SDCCAG8: variants seen among roughly 807,000 people sequenced by gnomAD.
SDCCAG8 encodes the protein SHH signaling and ciliogenesis regulator SDCCAG8, also known as serologically defined colon cancer antigen 8.
SDCCAG8 carries 74 observed loss-of-function variants against 101.8 expected under a neutral mutation model. The observed-to-expected ratio is 0.73, with a 90% CI of 0.60 to 0.88. The LOEUF (loss-of-function observed/expected upper bound fraction) is 0.88, where lower values mean the gene tolerates loss of function less well. SDCCAG8 is among the 40% of genes least tolerant of loss of function. SDCCAG8 has a pLI of 0.00. For missense variants in SDCCAG8, 787 were observed against 822.6 expected (o/e 0.96, Z 0.53); for synonymous variants, 281 against 292.9 (o/e 0.96, Z 0.41).
intron 16 of SDCCAG8, among the ~76,000 whole-genome samples, chr1:243,460,656 G>A (rs1400074489): frequency 2.0e-5 from 3 of 152,208 alleles, no homozygotes; most frequent in Non-Finnish European, 4.4e-5. Context: ...ACTGAAGCAT[G>A]TTTATTGTGA....
chr1:243,450,685 T>C (rs545416094), intron 16 of SDCCAG8, among the ~76,000 whole-genome samples: 2 of 152,324 alleles, frequency 1.3e-5, no homozygotes, highest in African/African-American at 4.8e-5. Flanking sequence ...TGAGACAGAG[T>C]CTTGCTCTGT....
chr1:243,404,093 C>G (rs1369249732), intron 13 of SDCCAG8, among the ~76,000 whole-genome samples: 2 of 152,128 alleles, frequency 1.3e-5, no homozygotes, highest in Non-Finnish European at 2.9e-5. Flanking sequence ...GTACAGATGC[C>G]CTGCTGGCAG....
intron 16 of SDCCAG8, among the ~76,000 whole-genome samples, chr1:243,427,880 C>T (rs1238062640): frequency 1.3e-5 from 2 of 152,136 alleles, no homozygotes; most frequent in African/African-American, 2.4e-5. Flanking sequence ...AAACGTTTTC[C>T]GTAAAGGGCC....
chr1:243,269,952 A>C (rs1336891390), intron 1 of SDCCAG8, 153 bp from the exon 2 acceptor site: 21 of 1,017,332 alleles, frequency 2.1e-5, no homozygotes, highest in Non-Finnish European at 3.1e-5. Context: ...CATCTTTGGC[A>C]CATCCCTCAG....
intron 13 of SDCCAG8, 59 bp downstream of exon 13, chr1:243,378,922 C>T (rs2077767724): frequency 1.9e-6 from 3 of 1,605,204 alleles, no homozygotes; most frequent in Non-Finnish European, 2.6e-6. Flanking sequence ...ATTTTTGCCA[C>T]AGGCTTCCAA....
intron 15 of SDCCAG8, among the ~76,000 whole-genome samples, chr1:243,422,744 A>G (rs1169921268): frequency 6.6e-6 from 1 of 152,248 alleles, no homozygotes; most frequent in African/African-American, 2.4e-5. Flanking sequence ...CTAAAAGAAT[A>G]AAAAATTAAG....
intron 16 of SDCCAG8, among the ~76,000 whole-genome samples, chr1:243,442,613 TAA>T (rs202076850): frequency 1.4e-5 from 2 of 145,888 alleles, no homozygotes; most frequent in Non-Finnish European, 3.0e-5. Context: ...AAAAGAACAT[TAA>T]AAAAAAAAAA....
chr1:243,359,260 A>G (rs149224178), intron 12 of SDCCAG8, among the ~76,000 whole-genome samples: 11 of 152,266 alleles, frequency 7.2e-5, no homozygotes, highest in African/African-American at 2.4e-4. Context: ...GCTAATACAG[A>G]TGAACAGGCT....
At chr1:243,368,466 C>T (rs1478934709) in intron 12 of SDCCAG8, among the ~76,000 whole-genome samples, 2 of 152,052 alleles carry the variant, frequency 1.3e-5, no homozygotes, top group African/African-American at 2.4e-5. Context: ...AGAATAGATG[C>T]CATAGAATTA....
chr1:243,469,082 A>C (rs150321115), intron 16 of SDCCAG8, among the ~76,000 whole-genome samples: 1 of 152,206 alleles, frequency 6.6e-6, no homozygotes. Flanking sequence ...TCATGCTCAG[A>C]TTTCGACCCA....
intron 12 of SDCCAG8, among the ~76,000 whole-genome samples, chr1:243,356,765 C>T (rs1213161287): frequency 6.6e-6 from 1 of 151,822 alleles, no homozygotes; most frequent in African/African-American, 2.4e-5. Flanking sequence ...GCAGGAGAAT[C>T]GTTGAGCCCA....
chr1:243,475,916 C>T (rs10927025), intron 16 of SDCCAG8: 582,980 of 984,082 alleles, frequency 0.59, 177,072 homozygotes, highest in East Asian at 0.78. Context: ...TCCGCGTATT[C>T]CTTCTCCCCC....
chr1:243,330,513 C>G, intron 9 of SDCCAG8, 27 bp from the exon 10 acceptor site: 1 of 1,613,784 alleles, frequency 6.2e-7, no homozygotes, highest in Non-Finnish European at 8.5e-7. Flanking sequence ...TTCTAACCTC[C>G]TCTTTCAATC....
At chr1:243,344,140 C>A in intron 11 of SDCCAG8, 75 bp from the exon 12 acceptor site, 3 of 1,156,540 alleles carry the variant, frequency 2.6e-6, no homozygotes, top group Non-Finnish European at 3.9e-6. Context: ...CTCTAGGGGG[C>A]ACCAAAAGAT....
chr1:243,271,643 A>G (rs553603412), intron 3 of SDCCAG8, among the ~76,000 whole-genome samples: 1 of 152,082 alleles, frequency 6.6e-6, no homozygotes, highest in Non-Finnish European at 1.5e-5. Context: ...CCCTGGTTCA[A>G]GCGATTCTCC....
At chr1:243,478,775 G>A (rs1662906636) in intron 16 of SDCCAG8, among the ~76,000 whole-genome samples, 1 of 151,978 alleles carries the variant, frequency 6.6e-6, no homozygotes, top group African/African-American at 2.4e-5. Context: ...TGGCCAACGT[G>A]GTTAAACCCC....
At chr1:243,305,427 A>G (rs1451523190) in intron 7 of SDCCAG8, 1 of 152,124 alleles carries the variant, frequency 6.6e-6, no homozygotes, top group Non-Finnish European at 1.5e-5. Context: ...TTTTCTCTGT[A>G]GATAGTCTTC....
chr1:243,498,817 T>C (rs1668730279), intron 17 of SDCCAG8, among the ~76,000 whole-genome samples: 1 of 152,214 alleles, frequency 6.6e-6, no homozygotes, highest in Non-Finnish European at 1.5e-5. Flanking sequence ...CACTTCTCTT[T>C]TTGGAAGATG....
intron 16 of SDCCAG8, among the ~76,000 whole-genome samples, chr1:243,460,006 C>T (rs1163591131): frequency 6.6e-6 from 1 of 152,168 alleles, no homozygotes; most frequent in Non-Finnish European, 1.5e-5. Context: ...GTCACTGTCA[C>T]TCAAGGGATT....
Sources: gnomAD v4.1 joint callset for allele counts (sites outside exome capture counted in the v4.1 genomes callset) on GRCh38, gnomAD v4.1.1 for gene constraint, MANE v1.5 for transcripts, NCBI Gene and HGNC (gene_info 2026-07-23, HGNC 2026-07-21) for gene names.